The following PGGT1B variants were observed in gnomAD, a reference collection of about 807,000 sequenced individuals.
PGGT1B encodes the protein protein geranylgeranyltransferase type I subunit beta, also known as geranylgeranyl transferase type-1 subunit beta.
Under a neutral mutation model 46.1 loss-of-function variants are expected in PGGT1B, and 30 were observed. That is an observed-to-expected ratio of 0.65 (90% CI 0.49 to 0.88). PGGT1B has a LOEUF of 0.88. PGGT1B is among the 40% of genes least tolerant of loss of function. The pLI, the probability that PGGT1B is intolerant of heterozygous loss-of-function variation, is 0.00. For missense variants in PGGT1B, 376 were observed against 455.9 expected, an observed-to-expected ratio of 0.82 and a Z score of 1.60; for synonymous variants, 170 against 160.0, an observed-to-expected ratio of 1.06 and a Z score of -0.47.
intron 6 of PGGT1B, 57 bp from the exon 7 acceptor site, chr5:115,222,065 G>C: frequency 4.9e-6 from 5 of 1,012,640 alleles, no homozygotes; most frequent in Non-Finnish European, 6.9e-6. Flanking sequence ...TATGAAAATA[G>C]TACAAAATGT....
chr5:115,220,435 C>T (rs1475031252), intron 7 of PGGT1B, among the ~76,000 whole-genome samples: 1 of 151,618 alleles, frequency 6.6e-6, no homozygotes, highest in Admixed American at 6.6e-5. Context: ...GGAGAGGTTA[C>T]CAGGCTGAGG....
In PGGT1B at chr5:115,206,824, T is replaced by A. The variant is rs1561464804; in HGVS notation, c.*5578A>T. 6.6e-6 allele frequency: 1 copy of A among 151,930 alleles called. No individual in the cohort carries two copies. The highest frequency in any genetic ancestry group is 1.5e-5 in the Non-Finnish European group (1 of 67,902). 9.4% of individuals were successfully genotyped at this position (151,930 alleles called of 1,614,324 possible). A position where few individuals can be genotyped will look rare whatever the true frequency, so the allele number is the denominator to read the frequency against. On this transcript the variant is annotated 3_prime_UTR_variant, in exon 9 of 9. Transcript: ENST00000419445. ...TCTGATAGCTTCTGCCATGGAGGAT[T>A]TAGAGTATGTTTTAGTGTCGGATAT... is the stretch of plus-strand genomic sequence containing the variant.
intron 1 of PGGT1B, 105 bp downstream of exon 1, chr5:115,262,607 G>T (rs1435238436): frequency 1.5e-6 from 2 of 1,311,778 alleles, no homozygotes; most frequent in Non-Finnish European, 2.1e-6. Context: ...CAACTGGGCG[G>T]CCGCGCAGCC....
intron 2 of PGGT1B, among the ~76,000 whole-genome samples, chr5:115,243,225 C>G (rs1013399456): frequency 3.0e-4 from 45 of 152,138 alleles, no homozygotes; most frequent in African/African-American, 1.1e-3. Context: ...CATGATATAT[C>G]TGAGAATCAA....
At chr5:115,221,294 C>A (rs926959414) in intron 7 of PGGT1B, among the ~76,000 whole-genome samples, 2 of 151,666 alleles carry the variant, frequency 1.3e-5, no homozygotes, top group Non-Finnish European at 2.9e-5. Context: ...AATAACCTTA[C>A]GGAATTAGGT....
Position 115,212,220 on chromosome 5 carries a change from G to T in PGGT1B, c.*182C>A. 9.1e-7 allele frequency: 1 copy of T among 1,101,910 alleles called. No homozygotes were observed. The highest frequency in any genetic ancestry group is 1.2e-6 in the Non-Finnish European group (1 of 808,942). 68.3% of individuals were successfully genotyped at this position (1,101,910 alleles called of 1,614,324 possible). On this transcript the variant is annotated 3_prime_UTR_variant, in exon 9 of 9. Coordinates refer to ENST00000419445, the MANE Select transcript of PGGT1B (RefSeq NM_005023.4). ...AAGTTGTGGTTCAAACTTCAACAAA[G>T]ATTTTCTTGAAACCCAGTATAAAGA... is the stretch of plus-strand genomic sequence containing the variant.
At chr5:115,218,057 A>G (rs1046186404) in intron 7 of PGGT1B, among the ~76,000 whole-genome samples, 1 of 151,924 alleles carries the variant, frequency 6.6e-6, no homozygotes, top group African/African-American at 2.4e-5. Flanking sequence ...TTAACATTAT[A>G]AAAATAAAGG....
At chr5:115,253,339 T>C (rs188287035) in intron 1 of PGGT1B, 84 bp from the exon 2 acceptor site, 33 of 1,123,302 alleles carry the variant, frequency 2.9e-5, no homozygotes, top group Middle Eastern at 5.5e-4. Flanking sequence ...AATAATAAAA[T>C]CATTCTAATT....
intron 2 of PGGT1B, among the ~76,000 whole-genome samples, chr5:115,244,326 G>A (rs1251381178): frequency 6.6e-5 from 10 of 151,364 alleles, no homozygotes; most frequent in Admixed American, 4.6e-4. Flanking sequence ...TTAGCTGGGC[G>A]CGGTGGCGGG....
At chr5:115,214,994 G>C (rs947313748) in intron 8 of PGGT1B, among the ~76,000 whole-genome samples, 1 of 152,180 alleles carries the variant, frequency 6.6e-6, no homozygotes, top group Admixed American at 6.5e-5. Context: ...AAGAAGACAT[G>C]TTTTACTACT....
At chr5:115,227,919 G>A (rs892999034) in intron 6 of PGGT1B, among the ~76,000 whole-genome samples, 1 of 151,972 alleles carries the variant, frequency 6.6e-6, no homozygotes, top group Admixed American at 6.6e-5. Flanking sequence ...TGTAGATCAG[G>A]GATTATAAGT....
At chr5:115,259,636 G>A (rs1227276106) in intron 1 of PGGT1B, among the ~76,000 whole-genome samples, 4 of 143,678 alleles carry the variant, frequency 2.8e-5, no homozygotes, top group Non-Finnish European at 6.0e-5. Flanking sequence ...CTGCAGTGAG[G>A]AGAGATGGTG....
At chr5:115,243,705 T>C (rs1757419035) in intron 2 of PGGT1B, among the ~76,000 whole-genome samples, 1 of 152,162 alleles carries the variant, frequency 6.6e-6, no homozygotes, top group Non-Finnish European at 1.5e-5. Flanking sequence ...CAGGGCTACC[T>C]TCCTTACTTG....
intron 8 of PGGT1B, among the ~76,000 whole-genome samples, chr5:115,215,918 A>AT (rs1213560699): frequency 6.6e-6 from 1 of 152,152 alleles, no homozygotes; most frequent in Non-Finnish European, 1.5e-5. Context: ...ACTTAAATGG[A>AT]TTTTTATAGG....
chr5:115,240,674 T>C (rs1010402406), intron 3 of PGGT1B, among the ~76,000 whole-genome samples: 2 of 152,158 alleles, frequency 1.3e-5, no homozygotes, highest in African/African-American at 4.8e-5. Context: ...TTCTTCAACA[T>C]TACTGCTATT....
At chr5:115,242,558 C>A (rs551772678) in intron 2 of PGGT1B, among the ~76,000 whole-genome samples, 381 of 152,242 alleles carry the variant, frequency 2.5e-3, no homozygotes, top group Non-Finnish European at 4.2e-3. Flanking sequence ...CTTATCCCCC[C>A]AAAAAACTTA....
At chr5:115,242,224 T>A (rs1057049571) in intron 2 of PGGT1B, among the ~76,000 whole-genome samples, 2 of 152,220 alleles carry the variant, frequency 1.3e-5, no homozygotes, top group Non-Finnish European at 2.9e-5. Context: ...AATATGTTTA[T>A]CCATACTTTT....
At chr5:115,217,007 A>G in intron 7 of PGGT1B, 34 bp from the exon 8 acceptor site, 1 of 900,688 alleles carries the variant, frequency 1.1e-6, no homozygotes, top group South Asian at 1.4e-5. Context: ...ATTTACTGAC[A>G]TAAAACTCAT....
At chr5:115,227,008 G>A (rs958940409) in intron 6 of PGGT1B, among the ~76,000 whole-genome samples, 1 of 152,036 alleles carries the variant, frequency 6.6e-6, no homozygotes, top group Non-Finnish European at 1.5e-5. Flanking sequence ...GTCCAGAGGT[G>A]AAAAGCCACA....
Sources: allele counts gnomAD v4.1 joint callset (sites outside exome capture counted in the v4.1 genomes callset), GRCh38; gene constraint gnomAD v4.1.1; transcripts MANE v1.5; gene names NCBI Gene and HGNC (gene_info 2026-07-23, HGNC 2026-07-21).